The following TRIM23 variants were observed in gnomAD, a reference collection of about 807,000 sequenced individuals.
TRIM23 encodes the protein E3 ubiquitin-protein ligase TRIM23.
A neutral mutation model predicts 71.0 loss-of-function variants in TRIM23; 27 were observed. That is an observed-to-expected ratio of 0.38 (90% CI 0.28 to 0.52). The LOEUF is 0.52. TRIM23 is among the 20% of genes least tolerant of loss of function. TRIM23 has a pLI of 0.84. For synonymous variants in TRIM23, 234 were observed against 238.0 expected (o/e 0.98, Z 0.16); for missense variants, 482 against 692.3 (o/e 0.70, Z 3.41).
At chr5:65,593,424 ACT>A (rs1165100584) in intron 10 of TRIM23, among the ~76,000 whole-genome samples, 1 of 152,138 alleles carries the variant, frequency 6.6e-6, no homozygotes, top group Non-Finnish European at 1.5e-5. Flanking sequence ...ACAGAGCAAG[ACT>A]CAGTCTCAAA....
At position 65,612,146 on chromosome 5, in the gene TRIM23, C is replaced by T. The variant is rs73097160; in HGVS notation, c.367-265G>A. Among the ~76,000 whole-genome samples the T allele has an allele frequency of 7.0e-3, 1,066 of 152,246 alleles. 10 individuals are homozygous for T. Among genetic ancestry groups the T allele is most frequent in the African/African-American group, 0.024 (995 of 41,536 alleles). ...AGAACTATTCTCATAGATTCATATT[C>T]GGTGCAAAGATCTCTTCCACCAAAT... On this transcript the variant is annotated intron_variant, in intron 3 of 10. Transcript: ENST00000231524.
chr5:65,612,501 G>A (rs1419568064), intron 3 of TRIM23, among the ~76,000 whole-genome samples: 1 of 151,388 alleles, frequency 6.6e-6, no homozygotes, highest in Non-Finnish European at 1.5e-5. Context: ...AATCACGGCA[G>A]AAAACCACTG....
At chr5:65,601,822 C>T (rs1256919080) in intron 7 of TRIM23, among the ~76,000 whole-genome samples, 1 of 151,568 alleles carries the variant, frequency 6.6e-6, no homozygotes, top group African/African-American at 2.4e-5. Context: ...TTGGGGATTC[C>T]ACCCTCTGAA....
Position 65,613,276 on chromosome 5 carries a change from G to A in TRIM23, c.366+822C>T, listed in dbSNP as rs557279448. 6.0e-4 allele frequency among the ~76,000 whole-genome samples: 91 copies of A among 152,270 alleles called. 1 individual carries two copies. The South Asian group carries it at 0.018, about 30-fold the overall frequency. The stretch of plus-strand genomic sequence containing the variant: ...TTAAAGATTTAGCACAGAAAGAACT[G>A]CATAACTTTTAGAAAACAGAGTGTT... On this transcript the variant is annotated intron_variant, in intron 3 of 10. Transcript: ENST00000231524.
chr5:65,611,373 C>T (rs1036054311), intron 4 of TRIM23, among the ~76,000 whole-genome samples: 1 of 151,240 alleles, frequency 6.6e-6, no homozygotes, highest in Non-Finnish European at 1.5e-5. Flanking sequence ...GTTTCCTGCT[C>T]GAAAGCTATT....
At chr5:65,614,321 G>T in intron 2 of TRIM23, 102 bp from the exon 3 acceptor site, 1 of 1,115,674 alleles carries the variant, frequency 9.0e-7, no homozygotes, top group Non-Finnish European at 1.3e-6. Context: ...AGTAGTTAAT[G>T]TCTAAATTTT....
intron 6 of TRIM23, among the ~76,000 whole-genome samples, chr5:65,608,163 T>G (rs1754555981): frequency 6.6e-6 from 1 of 152,144 alleles, no homozygotes; most frequent in African/African-American, 2.4e-5. Context: ...TATTAAAACT[T>G]AGAAACTTGC....
Position 65,596,495 on chromosome 5 carries a change from T to C in TRIM23, c.1346A>G (p.Lys449Arg). The C allele has an allele frequency of 6.2e-7, 1 of 1,611,426 alleles. No homozygotes were observed. The highest frequency in any genetic ancestry group is 1.1e-5 in the South Asian group (1 of 90,958). The stretch of plus-strand genomic sequence containing the variant: ...TCCACCTACATCCCAAATAGTGAAT[T>C]TTAGATTTTTATATTCTACAGTTTC... ...NVETVEYKNLKFTIWDVGGKH... is the reference protein window; with the variant it reads ...NVETVEYKNLRFTIWDVGGKH... Residue 449 changes from lysine to arginine, a missense_variant, in exon 9 of 11, where the codon AAA becomes AGA. Physicochemically the swap from Lys to Arg is conservative, Grantham distance 26. Coordinates refer to ENST00000231524, the MANE Select transcript of TRIM23 (RefSeq NM_001656.4).
Position 65,611,888 on chromosome 5 carries a change from AACAAAAAATT to A in TRIM23, c.367-17_367-8del. ...CATCACAACGAATGATGCTCTGATA[AACAAAAAATT>A]AATGCCTTAAAATTGAACCCAATCA... On this transcript the variant is annotated splice_polypyrimidine_tract_variant and splice_region_variant and intron_variant, in intron 3 of 10. Coordinates refer to ENST00000231524, the MANE Select transcript of TRIM23 (RefSeq NM_001656.4). 1.9e-6 allele frequency: 3 copies of A among 1,604,610 alleles called. No homozygotes were observed. The highest frequency in any genetic ancestry group is 2.6e-6 in the Non-Finnish European group (3 of 1,172,718).
chr5:65,617,328 A>T (rs892091529), intron 2 of TRIM23, among the ~76,000 whole-genome samples: 7 of 152,172 alleles, frequency 4.6e-5, no homozygotes, highest in African/African-American at 1.4e-4. Flanking sequence ...TTGGTGGATA[A>T]ATTATTTTGA....
chr5:65,604,839 T>A, intron 7 of TRIM23, 72 bp downstream of exon 7: 1 of 1,423,508 alleles, frequency 7.0e-7, no homozygotes, highest in African/African-American at 1.4e-5. Flanking sequence ...CTCTTTAAGG[T>A]GATTATCATG....
Position 65,597,091 on chromosome 5 carries a change from C to T in TRIM23, c.1269G>A (p.Lys423=), listed in dbSNP as rs750723169. The part of the protein sequence containing the change: ...DGAGKTTILF[K]LKQDEFMQPI... The stretch of plus-strand genomic sequence containing the variant: ...GCTGCATGAATTCATCCTGTTTTAA[C>T]TTAAACAAGATAGTAGTTTTTCCAG... The change falls in exon 8 of 11, where the codon AAG becomes AAA. Residue 423 remains lysine (K), a synonymous_variant. Coordinates refer to ENST00000231524, the MANE Select transcript of TRIM23 (RefSeq NM_001656.4). 1.2e-6 allele frequency: 2 copies of T among 1,614,128 alleles called. No homozygotes were observed. Among genetic ancestry groups the T allele is most frequent in the Non-Finnish European group, 1.7e-6 (2 of 1,179,996 alleles).
In TRIM23 at chr5:65,597,139, G is replaced by A. The variant is rs748189367; in HGVS notation, c.1221C>T (p.Val407=). The stretch of plus-strand genomic sequence containing the variant: ...CAGCACCATCCAATCCTAACGTAAC[G>A]ACCCGAATTTCCATTTTTGGTCCAA... ...VHIGPKMEIR[V]VTLGLDGAGK... Residue 407 remains valine (V), a synonymous_variant, in exon 8 of 11, where the codon GTC becomes GTT. Coordinates refer to ENST00000231524, the MANE Select transcript of TRIM23 (RefSeq NM_001656.4). The A allele has an allele frequency of 9.3e-6, 15 of 1,613,914 alleles. No individual in the cohort carries two copies. Among genetic ancestry groups the A allele is most frequent in the East Asian group, 4.5e-5 (2 of 44,882 alleles).
At chr5:65,615,525 C>CT (rs1324428172) in intron 2 of TRIM23, among the ~76,000 whole-genome samples, 2 of 89,722 alleles carry the variant, frequency 2.2e-5, no homozygotes, top group Middle Eastern at 5.2e-3. Flanking sequence ...CCTCCTGGCT[C>CT]TTAAAAAAAA....
intron 6 of TRIM23, among the ~76,000 whole-genome samples, chr5:65,608,968 T>C (rs1754577660): frequency 6.6e-6 from 1 of 150,760 alleles, no homozygotes. Flanking sequence ...ACTACATATA[T>C]GCTTGGCAAA....
chr5:65,597,482 A>C lies in TRIM23; in HGVS notation c.1180-302T>G, dbSNP rs540987305. ...AACATGTTTTTATGCTATACTAAAA[A>C]AATCACAATAAGGGTAAATCAATTA... On this transcript the variant is annotated intron_variant, in intron 7 of 10. Coordinates refer to ENST00000231524, the MANE Select transcript of TRIM23 (RefSeq NM_001656.4). Among the ~76,000 whole-genome samples, 28 of 152,342 alleles carry C rather than the reference A, an allele frequency of 1.8e-4. 1 individual carries two copies. The South Asian group carries it at 5.6e-3, about 30-fold the overall frequency.
At chr5:65,609,621 T>G (rs562613868) in intron 5 of TRIM23, among the ~76,000 whole-genome samples, 163 bp from the exon 6 acceptor site, 1 of 152,266 alleles carries the variant, frequency 6.6e-6, no homozygotes, top group South Asian at 2.1e-4. Context: ...TCCCAGCTAC[T>G]CAGGAGGCTG....
At position 65,609,386 on chromosome 5, in the gene TRIM23, GAC is replaced by G; in HGVS notation, c.899_900del (p.Cys300SerfsTer11). The G allele has an allele frequency of 6.2e-7, 1 of 1,614,082 alleles. No individual in the cohort carries two copies. The highest frequency in any genetic ancestry group is 8.5e-7 in the Non-Finnish European group (1 of 1,180,026). ...ACACTTAGAGCCATTTCTTCTTGAC[GAC>G]ACAGAGTTTCATGTAGATCATAAAA... ...AYFYDLHETL[C>X]RQEEMALSVV... On this transcript the variant is annotated frameshift_variant, in exon 6 of 11. Coordinates refer to ENST00000231524, the MANE Select transcript of TRIM23 (RefSeq NM_001656.4). LOFTEE classifies it high-confidence loss of function.
At chr5:65,608,085 T>C (rs1329835368) in intron 6 of TRIM23, among the ~76,000 whole-genome samples, 1 of 152,150 alleles carries the variant, frequency 6.6e-6, no homozygotes, top group Non-Finnish European at 1.5e-5. Flanking sequence ...ATTAAGGAGG[T>C]AGCAATTGTA....
Sources: allele counts gnomAD v4.1 joint callset (sites outside exome capture counted in the v4.1 genomes callset), GRCh38; gene constraint gnomAD v4.1.1; transcripts MANE v1.5; gene names NCBI Gene and HGNC (gene_info 2026-07-23, HGNC 2026-07-21).